The following NEO1 variants were observed in gnomAD, a reference collection of about 807,000 sequenced individuals.
NEO1 encodes the protein neogenin 1, also known as neogenin.
Under a neutral mutation model 159.7 loss-of-function variants are expected in NEO1, and 63 were observed. That is an observed-to-expected ratio of 0.39 (90% CI 0.32 to 0.49). NEO1 has a LOEUF of 0.49. Among genes scored for constraint, NEO1 ranks in the 20% least tolerant of loss-of-function variants. NEO1 has a pLI of 0.85. For missense variants in NEO1, 1,615 were observed against 1,831.0 expected (o/e 0.88, Z 2.15); for synonymous variants, 633 against 662.0 (o/e 0.96, Z 0.67).
intron 1 of NEO1, among the ~76,000 whole-genome samples, chr15:73,077,364 T>G (rs2068823651): frequency 6.6e-6 from 1 of 152,210 alleles, no homozygotes; most frequent in Non-Finnish European, 1.5e-5. Context: ...ACATTCTAAT[T>G]GACTGCATAT....
intron 1 of NEO1, among the ~76,000 whole-genome samples, chr15:73,056,116 A>G (rs2067684071): frequency 6.6e-6 from 1 of 152,198 alleles, no homozygotes; most frequent in Non-Finnish European, 1.5e-5. Flanking sequence ...ACTCTTTGGC[A>G]TGGAGATTGT....
chr15:73,100,132 C>T (rs993975178), intron 1 of NEO1, among the ~76,000 whole-genome samples: 1 of 152,072 alleles, frequency 6.6e-6, no homozygotes, highest in Non-Finnish European at 1.5e-5. Context: ...TCTTCCATGC[C>T]ATTTCAAACA....
chr15:73,255,660 C>T (rs1303464869), intron 13 of NEO1: 1 of 152,246 alleles, frequency 6.6e-6, no homozygotes, highest in Non-Finnish European at 1.5e-5. Context: ...CAGACCCCAT[C>T]CTGCCGACTC....
intron 5 of NEO1, among the ~76,000 whole-genome samples, chr15:73,155,286 T>C (rs1009354925): frequency 6.6e-6 from 1 of 152,208 alleles, no homozygotes; most frequent in African/African-American, 2.4e-5. Flanking sequence ...CAGCTCATTC[T>C]CTTCTGGCTT....
In NEO1 at chr15:73,126,570, G is replaced by A. The variant is rs755667951; in HGVS notation, c.878G>A (p.Ser293Asn). Residue 293 changes from serine (S) to asparagine (N), a missense_variant and splice_region_variant, in exon 4 of 29, where the codon AGC becomes AAC. Ser to Asn is a conservative substitution (Grantham distance 46, BLOSUM62 1). Around this residue, in one of 3 missense-constraint regions of NEO1, gnomAD observed 1,018 missense variants for 1,115.4 expected, o/e 0.91. Coordinates refer to ENST00000261908, the MANE Select transcript of NEO1 (RefSeq NM_002499.4). ...MKNEEALDTE[S>N]SERLVLLAGG... is the part of the protein sequence containing the mutation. ...AATGAGGAGGCACTTGACACAGAAA[G>A]GTAAGTGTTGTCTGCCTAAAAGCCT... is the stretch of plus-strand genomic sequence containing the variant. 1 of 1,611,726 alleles carries A rather than the reference G, an allele frequency of 6.2e-7. No individual in the cohort carries two copies. Among genetic ancestry groups the A allele is most frequent in the East Asian group, 2.2e-5 (1 of 44,826 alleles).
At chr15:73,101,695 C>G (rs538006895) in intron 1 of NEO1, among the ~76,000 whole-genome samples, 1 of 152,258 alleles carries the variant, frequency 6.6e-6, no homozygotes, top group Admixed American at 6.5e-5. Context: ...AGCATTGTCT[C>G]ATCGATTTTG....
intron 10 of NEO1, 138 bp downstream of exon 10, chr15:73,249,346 T>G: frequency 9.2e-7 from 1 of 1,086,152 alleles, no homozygotes; most frequent in Non-Finnish European, 1.3e-6. Context: ...CAGATTCTAT[T>G]TCTTTGTACC....
At chr15:73,281,032 C>T (rs998294307) in intron 22 of NEO1, among the ~76,000 whole-genome samples, 2 of 151,078 alleles carry the variant, frequency 1.3e-5, no homozygotes, top group Admixed American at 6.6e-5. Flanking sequence ...TGTGAAACCC[C>T]GTCTCTACTA....
chr15:73,238,305 G>A (rs74768334), intron 8 of NEO1, among the ~76,000 whole-genome samples: 5,168 of 57,862 alleles, frequency 0.089, 189 homozygotes, highest in Middle Eastern at 0.12. Flanking sequence ...TTTTTTGAGA[G>A]CACTTACTAC....
Position 73,178,394 on chromosome 15 carries a change from C to G in NEO1, c.1258C>G (p.Gln420Glu). The G allele has an allele frequency of 6.2e-7, 1 of 1,613,742 alleles. No individual in the cohort carries two copies. Among genetic ancestry groups the G allele is most frequent in the Non-Finnish European group, 8.5e-7 (1 of 1,179,848 alleles). Residue 420 changes from glutamine (Q) to glutamate (E), a missense_variant, in exon 7 of 29, where the codon CAA (glutamine) becomes GAA (glutamate). This residue lies in a region of NEO1 where 1,018 missense variants were observed against 1,115.4 expected (regional missense o/e 0.91). Coordinates refer to ENST00000261908, the MANE Select transcript of NEO1 (RefSeq NM_002499.4). The stretch of plus-strand genomic sequence containing the variant: ...TGCTGAAAATGATGTTGGAAATGCA[C>G]AAGCTGGAGCCCAACTGATAATCCT... ...CIAENDVGNA[Q>E]AGAQLIILEH...
chr15:73,288,583 T>C, intron 24 of NEO1, 32 bp downstream of exon 24: 1 of 1,569,892 alleles, frequency 6.4e-7, no homozygotes, highest in Non-Finnish European at 8.7e-7. Flanking sequence ...TTTTCTCAAA[T>C]GTTAGGAAAC....
chr15:73,285,589 A>ACTACTTTTCTTC (rs1169393866), intron 23 of NEO1, among the ~76,000 whole-genome samples: 3 of 152,078 alleles, frequency 2.0e-5, no homozygotes, highest in African/African-American at 7.2e-5. Context: ...AGCTTTTCTT[A>ACTACTTTTCTTC]CTACTTTTCT....
chr15:73,171,664 C>T (rs1021992774), intron 5 of NEO1, among the ~76,000 whole-genome samples: 2 of 147,672 alleles, frequency 1.4e-5, no homozygotes, highest in African/African-American at 5.0e-5. Context: ...TTACTTGAGA[C>T]AGAGTCTTGT....
chr15:73,248,828 G>A (rs1328692291), intron 9 of NEO1, among the ~76,000 whole-genome samples: 2 of 152,052 alleles, frequency 1.3e-5, no homozygotes, highest in African/African-American at 4.8e-5. Flanking sequence ...CTGCAAAACT[G>A]GGATTTTATA....
chr15:73,257,854 A>G (rs548480895), intron 13 of NEO1, among the ~76,000 whole-genome samples: 34 of 152,332 alleles, frequency 2.2e-4, no homozygotes, highest in African/African-American at 5.8e-4. Flanking sequence ...TCGTCTGTCA[A>G]CAAACACTCT....
intron 22 of NEO1, among the ~76,000 whole-genome samples, chr15:73,282,635 T>G (rs1333586178): frequency 1.3e-5 from 2 of 152,240 alleles, no homozygotes; most frequent in Non-Finnish European, 2.9e-5. Flanking sequence ...ATATATCACA[T>G]GAGACACCAG....
chr15:73,249,307 A>G lies in NEO1; in HGVS notation c.1755+99A>G, dbSNP rs1265970948. 97 of 1,287,820 alleles carry G rather than the reference A, an allele frequency of 7.5e-5. No individual in the cohort carries two copies. In the South Asian group the frequency reaches 1.2e-3, roughly 17 times the overall value. 79.8% of individuals were successfully genotyped at this position (1,287,820 alleles called of 1,614,324 possible). On this transcript the variant is annotated intron_variant, in intron 10 of 28. Coordinates refer to ENST00000261908, the MANE Select transcript of NEO1 (RefSeq NM_002499.4). ...TTGCTTGACTGGAAATGTGAGGGGG[A>G]AAAAGAAACATAGGAAATGAAAAGT...
At chr15:73,089,870 A>G (rs2069583042) in intron 1 of NEO1, among the ~76,000 whole-genome samples, 1 of 152,208 alleles carries the variant, frequency 6.6e-6, no homozygotes, top group African/African-American at 2.4e-5. Context: ...TGTTTATAAT[A>G]GCAACAAATT....
intron 7 of NEO1, among the ~76,000 whole-genome samples, chr15:73,212,662 A>G (rs559243953): frequency 3.3e-5 from 5 of 152,356 alleles, no homozygotes; most frequent in Middle Eastern, 3.4e-3. Flanking sequence ...TTTGTCTTAC[A>G]GAAATATTTA....
Sources: gnomAD v4.1 joint callset for allele counts (sites outside exome capture counted in the v4.1 genomes callset) on GRCh38, gnomAD v4.1.1 for gene constraint, gnomAD v4.1.1 regional missense constraint, MANE v1.5 for transcripts, NCBI Gene and HGNC (gene_info 2026-07-23, HGNC 2026-07-21) for gene names.